Variants in MAK observed in about 807,000 individuals in gnomAD.
MAK encodes the protein male germ cell associated kinase.
MAK carries 65 observed loss-of-function variants against 82.6 expected under a neutral mutation model. The observed-to-expected ratio is 0.79, with a 90% CI of 0.64 to 0.97. MAK has a LOEUF of 0.97. Among genes scored for constraint, MAK ranks in the 50% least tolerant of loss-of-function variants. MAK has a pLI of 0.00. For missense variants in MAK, 703 were observed against 780.2 expected, an observed-to-expected ratio of 0.90 and a Z score of 1.18; for synonymous variants, 250 against 274.2, an observed-to-expected ratio of 0.91 and a Z score of 0.87.
Position 10,808,684 on chromosome 6 carries a change from GAATATA to G in MAK, c.491+120_491+125del, listed in dbSNP as rs141257392. ...AAACCAATCCTTCGCTTTCTTTAAA[GAATATA>G]AAATTCAATTCTGTGTTTTAAATAT... is the stretch of plus-strand genomic sequence containing the variant. On this transcript the variant is annotated intron_variant, in intron 6 of 14. Coordinates refer to ENST00000354489, the MANE Select transcript of MAK (RefSeq NM_001242957.3). 3,269 of 969,638 alleles carry G rather than the reference GAATATA, an allele frequency of 3.4e-3. 77 individuals are homozygous for G. The African/African-American group carries it at 0.047, about 14-fold the overall frequency. The allele number at this position is 969,638 out of a possible 1,614,324, so 60.1% of individuals were successfully genotyped here. A position where few individuals can be genotyped will look rare whatever the true frequency, so the allele number is the denominator to read the frequency against.
chr6:10,821,684 A>G (rs1160261470), intron 2 of MAK, among the ~76,000 whole-genome samples: 1 of 152,006 alleles, frequency 6.6e-6, no homozygotes, highest in East Asian at 1.9e-4. Flanking sequence ...TAAAATCTGC[A>G]CTCTCACTGG....
At chr6:10,767,382 C>T (rs1461801343) in intron 14 of MAK, among the ~76,000 whole-genome samples, 4 of 151,994 alleles carry the variant, frequency 2.6e-5, no homozygotes, top group Non-Finnish European at 5.9e-5. Flanking sequence ...CTAAAGTGAT[C>T]CTAAAGGGTG....
At chr6:10,814,039 G>A (rs142703912) in intron 4 of MAK, among the ~76,000 whole-genome samples, 73 of 151,786 alleles carry the variant, frequency 4.8e-4, no homozygotes, top group African/African-American at 1.5e-3. Flanking sequence ...GCGCAATCTC[G>A]GCTCACTGAA....
chr6:10,781,585 G>A (rs1034270537), intron 11 of MAK, among the ~76,000 whole-genome samples: 8 of 151,744 alleles, frequency 5.3e-5, no homozygotes, highest in Non-Finnish European at 1.2e-4. Context: ...CACCACGCCC[G>A]GCTAATTACT....
intron 13 of MAK, among the ~76,000 whole-genome samples, chr6:10,772,000 G>C (rs1773058904): frequency 6.6e-6 from 1 of 152,156 alleles, no homozygotes; most frequent in Non-Finnish European, 1.5e-5. Context: ...TTCCAGGTAG[G>C]GTTATGTAAG....
chr6:10,784,940 A>G (rs1181232032), intron 10 of MAK: 2 of 468,592 alleles, frequency 4.3e-6, no homozygotes, highest in Non-Finnish European at 8.5e-6. Context: ...ATAATTTACA[A>G]TCAATGAGGT....
At chr6:10,765,074 C>T (rs908432491) in intron 14 of MAK, among the ~76,000 whole-genome samples, 8 of 143,752 alleles carry the variant, frequency 5.6e-5, no homozygotes, top group East Asian at 2.0e-4. Context: ...CCAGCCTGGG[C>T]GACAAGAGTG....
intron 1 of MAK, among the ~76,000 whole-genome samples, chr6:10,837,038 G>A (rs80228707): frequency 0.028 from 4,266 of 152,258 alleles, 115 homozygotes; most frequent in Non-Finnish European, 0.04. Context: ...ATTCAGATAG[G>A]ATTAAAGAAG....
chr6:10,775,554 T>G lies in MAK; in HGVS notation c.1466-95A>C. On this transcript the variant is annotated intron_variant, in intron 11 of 14. Coordinates refer to ENST00000354489, the MANE Select transcript of MAK (RefSeq NM_001242957.3). ...CATTCAAACAAAGACTAGAGACACC[T>G]TGGACAGGAGAATGGAAATAAATCT... is the stretch of plus-strand genomic sequence containing the variant. 3 of 1,333,314 alleles carry G rather than the reference T, an allele frequency of 2.3e-6. No homozygotes were observed. The South Asian group carries it at 3.5e-5, about 16-fold the overall frequency. 82.6% of individuals were successfully genotyped at this position (1,333,314 alleles called of 1,614,324 possible). A position where few individuals can be genotyped will look rare whatever the true frequency, so the allele number is the denominator to read the frequency against.
chr6:10,791,917 C>A (rs1775124779), intron 9 of MAK, 70 bp from the exon 10 acceptor site: 1 of 1,476,078 alleles, frequency 6.8e-7, no homozygotes, highest in Admixed American at 1.7e-5. Flanking sequence ...AAGCTACTAT[C>A]TATGTAAGAC....
rs143517523 is a variant in MAK at position 10,783,633 on chromosome 6, C to T, written c.1465+791G>A. ...AACCAGCCATTTACATTACCCCACC[C>T]CATCCGGACATAAGCAGTGGCCTCT... is the stretch of plus-strand genomic sequence containing the variant. On this transcript the variant is annotated intron_variant, in intron 11 of 14. Transcript: ENST00000354489. Among the ~76,000 whole-genome samples, 456 of 152,326 alleles carry T rather than the reference C, an allele frequency of 3.0e-3. 5 individuals are homozygous for T. Among genetic ancestry groups the T allele is most frequent in the African/African-American group, 0.011 (440 of 41,568 alleles).
chr6:10,836,599 A>T (rs895457476), intron 1 of MAK, among the ~76,000 whole-genome samples: 1 of 152,236 alleles, frequency 6.6e-6, no homozygotes, highest in Admixed American at 6.5e-5. Context: ...ATGGTTCTCC[A>T]GTTCACGCAC....
At chr6:10,816,089 C>T (rs1056972798) in intron 4 of MAK, among the ~76,000 whole-genome samples, 1 of 151,628 alleles carries the variant, frequency 6.6e-6, no homozygotes, top group Non-Finnish European at 1.5e-5. Flanking sequence ...CAAAAATTAG[C>T]TGGCCTCCTG....
At chr6:10,797,293 G>C (rs947569688) in intron 8 of MAK, among the ~76,000 whole-genome samples, 6 of 152,170 alleles carry the variant, frequency 3.9e-5, no homozygotes, top group Non-Finnish European at 8.8e-5. Flanking sequence ...GCATGAGAGG[G>C]AAAGGACCCC....
At chr6:10,784,719 G>A (rs1279651228) in intron 10 of MAK, 147 bp from the exon 11 acceptor site, 2 of 744,266 alleles carry the variant, frequency 2.7e-6, no homozygotes, top group African/African-American at 3.4e-5. Flanking sequence ...TTTTGGCTAA[G>A]TGACAACTTC....
chr6:10,809,106 G>A (rs1305747797), intron 5 of MAK, among the ~76,000 whole-genome samples, 164 bp from the exon 6 acceptor site: 3 of 152,152 alleles, frequency 2.0e-5, no homozygotes, highest in Admixed American at 6.6e-5. Context: ...TAAATGGGGC[G>A]TAGGGACCCT....
At chr6:10,817,544 GGCCAGC>G (rs1305334930) in intron 4 of MAK, among the ~76,000 whole-genome samples, 1 of 152,066 alleles carries the variant, frequency 6.6e-6, no homozygotes, top group Non-Finnish European at 1.5e-5. Flanking sequence ...TAATGCCCAA[GGCCAGC>G]TTTATTATTG....
intron 14 of MAK, among the ~76,000 whole-genome samples, chr6:10,766,736 G>A (rs1352168712): frequency 6.6e-6 from 1 of 152,164 alleles, no homozygotes; most frequent in Admixed American, 6.5e-5. Context: ...GCTTATTCAG[G>A]GAGGGAAAAG....
intron 2 of MAK, among the ~76,000 whole-genome samples, chr6:10,828,315 C>T (rs995273079): frequency 3.3e-5 from 5 of 152,022 alleles, no homozygotes; most frequent in African/African-American, 9.7e-5. Flanking sequence ...TGCCATGTCC[C>T]GAGGCTATTC....
Sources: allele counts gnomAD v4.1 joint callset (sites outside exome capture counted in the v4.1 genomes callset), GRCh38; gene constraint gnomAD v4.1.1; transcripts MANE v1.5; gene names NCBI Gene and HGNC (gene_info 2026-07-23, HGNC 2026-07-21).